LCLAT1: variants seen among roughly 807,000 people sequenced by gnomAD.
LCLAT1 encodes lysocardiolipin acyltransferase 1.
In LCLAT1, 11 loss-of-function variants were observed where a neutral mutation model predicts 30.7. The observed-to-expected ratio is 0.36, with a 90% CI of 0.23 to 0.59. The LOEUF (loss-of-function observed/expected upper bound fraction) is 0.59, where lower values mean the gene tolerates loss of function less well. Ranked by LOEUF, LCLAT1 falls within the 20% of genes least tolerant of loss-of-function variation. The pLI, the probability that LCLAT1 is intolerant of heterozygous loss-of-function variation, is 0.77. For missense variants in LCLAT1, 402 were observed against 458.6 expected (o/e 0.88, Z 1.13); for synonymous variants, 155 against 151.3 (o/e 1.02, Z -0.18).
chr2:30,567,469 T>G (rs1558524929), intron 4 of LCLAT1, among the ~76,000 whole-genome samples: 1 of 152,192 alleles, frequency 6.6e-6, no homozygotes, highest in Non-Finnish European at 1.5e-5. Flanking sequence ...CCATGTATGC[T>G]TATCTACTAT....
At chr2:30,460,028 T>G (rs569830532) in intron 1 of LCLAT1, among the ~76,000 whole-genome samples, 1 of 152,374 alleles carries the variant, frequency 6.6e-6, no homozygotes, top group African/African-American at 2.4e-5. Flanking sequence ...CCATTTTGTT[T>G]AGAGTCGAAA....
chr2:30,541,857 G>T (rs1038423007), intron 3 of LCLAT1, among the ~76,000 whole-genome samples: 1 of 152,232 alleles, frequency 6.6e-6, no homozygotes, highest in South Asian at 2.1e-4. Context: ...AGAGTTCCAG[G>T]TGTCCCATAT....
intron 5 of LCLAT1, among the ~76,000 whole-genome samples, chr2:30,582,965 T>A (rs1666268204): frequency 6.6e-6 from 1 of 152,268 alleles, no homozygotes; most frequent in Non-Finnish European, 1.5e-5. Context: ...CATCCTCTTT[T>A]ATGACTTCAG....
intron 3 of LCLAT1, among the ~76,000 whole-genome samples, chr2:30,541,329 C>T (rs1664125222): frequency 6.6e-6 from 1 of 151,910 alleles, no homozygotes; most frequent in Non-Finnish European, 1.5e-5. Flanking sequence ...GAGTTTAAGG[C>T]TACATTGAGC....
At chr2:30,616,301 A>C (rs1282982239) in intron 5 of LCLAT1, among the ~76,000 whole-genome samples, 2 of 152,162 alleles carry the variant, frequency 1.3e-5, no homozygotes, top group African/African-American at 4.8e-5. Flanking sequence ...AAAAGCAAAA[A>C]TACATCCTTC....
Position 30,599,460 on chromosome 2 carries a change from A to G in LCLAT1, c.628+31284A>G, listed in dbSNP as rs149181686. Among the ~76,000 whole-genome samples, 1,011 of 152,318 alleles carry G rather than the reference A, an allele frequency of 6.6e-3. 11 individuals carry two copies. The highest frequency in any genetic ancestry group is 0.023 in the African/African-American group (961 of 41,578). On this transcript the variant is annotated intron_variant, in intron 5 of 5. Coordinates refer to ENST00000379509, the MANE Select transcript of LCLAT1 (RefSeq NM_001002257.3). ...TGTATATTCTGTTGTTTTGTGGTGG[A>G]GAGTTCTGTAGATATCTATCAGATC...
At chr2:30,629,527 T>G (rs1390677328) in intron 5 of LCLAT1, among the ~76,000 whole-genome samples, 1 of 152,070 alleles carries the variant, frequency 6.6e-6, no homozygotes, top group Non-Finnish European at 1.5e-5. Flanking sequence ...GCCATTGCAC[T>G]CCAGCCTGGG....
chr2:30,458,043 T>TAA (rs749000081), intron 1 of LCLAT1, among the ~76,000 whole-genome samples: 1 of 142,954 alleles, frequency 7.0e-6, no homozygotes, highest in Non-Finnish European at 1.5e-5. Context: ...TTCATATTGT[T>TAA]AAAAAAAAAA....
intron 1 of LCLAT1, among the ~76,000 whole-genome samples, chr2:30,494,854 A>AT (rs1448715947): frequency 7.1e-6 from 1 of 141,488 alleles, no homozygotes; most frequent in African/African-American, 2.6e-5. Context: ...TTTATCACTG[A>AT]TTTTTCTGTT....
intron 3 of LCLAT1, among the ~76,000 whole-genome samples, chr2:30,556,765 G>A (rs1193680028): frequency 2.9e-5 from 4 of 138,186 alleles, no homozygotes; most frequent in Non-Finnish European, 4.6e-5. Flanking sequence ...TTTTTTTTGA[G>A]ACGGAGTTTT....
At chr2:30,569,278 TA>T (rs1471313459) in intron 5 of LCLAT1, among the ~76,000 whole-genome samples, 6 of 152,334 alleles carry the variant, frequency 3.9e-5, no homozygotes, top group African/African-American at 1.4e-4. Context: ...TTGATGTAAA[TA>T]AAAACCAATT....
At chr2:30,524,286 C>T (rs1396497436) in intron 1 of LCLAT1, among the ~76,000 whole-genome samples, 1 of 152,182 alleles carries the variant, frequency 6.6e-6, no homozygotes, top group African/African-American at 2.4e-5. Flanking sequence ...AGTCTAAGTT[C>T]TACTTAATCC....
intron 1 of LCLAT1, among the ~76,000 whole-genome samples, chr2:30,458,599 A>G (rs1342184821): frequency 6.6e-6 from 1 of 152,218 alleles, no homozygotes; most frequent in Non-Finnish European, 1.5e-5. Flanking sequence ...TCTGACCCTC[A>G]GTATTTATTG....
Position 30,640,637 on chromosome 2 carries a change from T to C in LCLAT1, c.*18T>C. 5 of 1,560,206 alleles carry C rather than the reference T, an allele frequency of 3.2e-6. No individual in the cohort carries two copies. Among genetic ancestry groups the C allele is most frequent in the South Asian group, 2.5e-5 (2 of 80,210 alleles). Reference sequence around the variant, plus strand: ...ATGAGTAAGATTATAAGGTTTGCCATGTGAAAACCTAGAGCATATTTTGGA... The same window carrying C: ...ATGAGTAAGATTATAAGGTTTGCCACGTGAAAACCTAGAGCATATTTTGGA... On this transcript the variant is annotated 3_prime_UTR_variant, in exon 6 of 6. Coordinates refer to ENST00000379509, the MANE Select transcript of LCLAT1 (RefSeq NM_001002257.3).
intron 1 of LCLAT1, among the ~76,000 whole-genome samples, chr2:30,493,278 A>G (rs997214069): frequency 2.6e-5 from 4 of 152,228 alleles, no homozygotes; most frequent in African/African-American, 9.6e-5. Flanking sequence ...TAACTTTTGT[A>G]AAGTCTGACT....
chr2:30,573,050 A>G, intron 5 of LCLAT1, among the ~76,000 whole-genome samples: 1 of 152,340 alleles, frequency 6.6e-6, no homozygotes, highest in Non-Finnish European at 1.5e-5. Flanking sequence ...TTTTTATTAA[A>G]AATAGATAAT....
intron 5 of LCLAT1, among the ~76,000 whole-genome samples, chr2:30,589,747 C>T (rs747700536): frequency 6.6e-6 from 1 of 152,118 alleles, no homozygotes; most frequent in Non-Finnish European, 1.5e-5. Flanking sequence ...TCTGTTTTAT[C>T]TTTGATATTC....
At chr2:30,606,376 T>C in intron 5 of LCLAT1, 1 of 185,860 alleles carries the variant, frequency 5.4e-6, no homozygotes, top group Non-Finnish European at 1.1e-5. Context: ...CATGGTACTG[T>C]TACAAAAACA....
At chr2:30,613,198 A>ATCC (rs1667823960) in intron 5 of LCLAT1, among the ~76,000 whole-genome samples, 1 of 152,164 alleles carries the variant, frequency 6.6e-6, no homozygotes, top group Non-Finnish European at 1.5e-5. Flanking sequence ...TGTTTGCCAG[A>ATCC]TAGGCCACCA....
Sources: allele counts gnomAD v4.1 joint callset (sites outside exome capture counted in the v4.1 genomes callset), GRCh38; gene constraint gnomAD v4.1.1; transcripts MANE v1.5; gene names NCBI Gene and HGNC (gene_info 2026-07-23, HGNC 2026-07-21).